The following TACC1 variants were observed in gnomAD, a reference collection of about 807,000 sequenced individuals.
The protein encoded by TACC1 is transforming acidic coiled-coil-containing protein 1.
Under a neutral mutation model 84.4 loss-of-function variants are expected in TACC1, and 48 were observed. The ratio of observed to expected loss-of-function variants is 0.57; its 90% CI spans 0.45 to 0.72. TACC1 has a LOEUF of 0.72. Ranked by LOEUF, TACC1 falls within the 30% of genes least tolerant of loss-of-function variation. The pLI is 0.00. For synonymous variants in TACC1, 372 were observed against 376.3 expected (o/e 0.99, Z 0.13); for missense variants, 920 against 973.0 (o/e 0.95, Z 0.72).
chr8:38,746,659 T>G (rs1220280453), intron 3 of TACC1, among the ~76,000 whole-genome samples: 1 of 152,222 alleles, frequency 6.6e-6, no homozygotes, highest in Non-Finnish European at 1.5e-5. Flanking sequence ...TCCACTTGGC[T>G]GTTAACTCCA....
At chr8:38,836,812 A>G (rs1241904436) in intron 7 of TACC1, among the ~76,000 whole-genome samples, 1 of 152,162 alleles carries the variant, frequency 6.6e-6, no homozygotes, top group Non-Finnish European at 1.5e-5. Context: ...TGTACCATTA[A>G]TAAGTTGCCC....
At chr8:38,823,893 A>G in intron 3 of TACC1, 1 of 871,888 alleles carries the variant, frequency 1.1e-6, no homozygotes, top group Non-Finnish European at 1.7e-6. Context: ...TGCAGCTTTT[A>G]CATCTGCCAG....
intron 3 of TACC1, among the ~76,000 whole-genome samples, chr8:38,758,302 T>C (rs923001984): frequency 1.3e-5 from 2 of 152,176 alleles, no homozygotes; most frequent in Admixed American, 6.5e-5. Flanking sequence ...AAAATAGCTT[T>C]CGGAATATCC....
intron 2 of TACC1, among the ~76,000 whole-genome samples, chr8:38,743,006 C>T (rs1807376857): frequency 6.6e-6 from 1 of 152,252 alleles, no homozygotes; most frequent in African/African-American, 2.4e-5. Context: ...TGAGCCACTG[C>T]ACCCAGCCAA....
intron 3 of TACC1, among the ~76,000 whole-genome samples, chr8:38,768,895 G>C (rs1271799710): frequency 6.8e-6 from 1 of 147,562 alleles, no homozygotes; most frequent in East Asian, 2.1e-4. Flanking sequence ...GTCGGGGGAG[G>C]TGTGTGTGTG....
At position 38,825,329 on chromosome 8, in the gene TACC1, G is replaced by T; in HGVS notation, c.1413G>T (p.Lys471Asn). 6.2e-7 allele frequency: 1 copy of T among 1,614,138 alleles called. No individual in the cohort carries two copies. Residue 471 changes from lysine to asparagine, a missense_variant, in exon 4 of 13, where the codon AAG becomes AAT. This residue lies in a region of TACC1 where 762 missense variants were observed against 747.3 expected (regional missense o/e 1.02). Transcript: ENST00000317827. ...CCAGGAGTGGCTGTAAGGTGAAGAA[G>T]CATGAAACTCAGTCTCTCGCCCTGG... is the stretch of plus-strand genomic sequence containing the variant. ...RLITSGCKVKKHETQSLALDA... is the reference protein window; with the variant it reads ...RLITSGCKVKNHETQSLALDA...
intron 11 of TACC1, 71 bp from the exon 12 acceptor site, chr8:38,846,628 C>T (rs1349612489): frequency 1.3e-6 from 2 of 1,583,080 alleles, no homozygotes; most frequent in East Asian, 4.5e-5. Context: ...TGGTTAGTAT[C>T]CTGACTGGCT....
In TACC1 at chr8:38,752,817, G is replaced by C. The variant is rs534350510; in HGVS notation, c.26+7324G>C. On this transcript the variant is annotated intron_variant, in intron 3 of 14. Coordinates refer to the TACC1 transcript ENST00000518415. ...TGTTCTGTATCAAATGCAATACCAA[G>C]TAGTGTCCAACTATGATCCTCCTGC... Among the ~76,000 whole-genome samples, 74 of 152,182 alleles carry C rather than the reference G, an allele frequency of 4.9e-4. No homozygotes were observed. In the South Asian group the frequency reaches 6.2e-3, roughly 13 times the overall value.
chr8:38,796,175 C>T (rs1563555588), intron 2 of TACC1, among the ~76,000 whole-genome samples: 1 of 152,140 alleles, frequency 6.6e-6, no homozygotes, highest in African/African-American at 2.4e-5. Flanking sequence ...CATGATTCTG[C>T]GAGATAGGAC....
chr8:38,847,465 G>T (rs979087594), intron 12 of TACC1, among the ~76,000 whole-genome samples: 1 of 152,202 alleles, frequency 6.6e-6, no homozygotes, highest in Non-Finnish European at 1.5e-5. Flanking sequence ...GTTTTTATAT[G>T]TCTCCGGTGT....
At chr8:38,729,901 T>C (rs1048022437) in intron 1 of TACC1, among the ~76,000 whole-genome samples, 1 of 152,098 alleles carries the variant, frequency 6.6e-6, no homozygotes, top group Admixed American at 6.6e-5. Flanking sequence ...AAACATCTTA[T>C]GATCTAAGGA....
At chr8:38,822,260 A>AC (rs1827036350) in intron 3 of TACC1, among the ~76,000 whole-genome samples, 1 of 151,508 alleles carries the variant, frequency 6.6e-6, no homozygotes, top group South Asian at 2.1e-4. Flanking sequence ...AAAAAAAAAA[A>AC]AAAAAACTAC....
chr8:38,749,429 C>T (rs1808628686), intron 3 of TACC1, among the ~76,000 whole-genome samples: 1 of 152,176 alleles, frequency 6.6e-6, no homozygotes, highest in African/African-American at 2.4e-5. Context: ...TCTAATTCTA[C>T]AGCCAGATGA....
At position 38,787,582 on chromosome 8, in the gene TACC1, C is replaced by T. The variant is rs1162108605; in HGVS notation, c.-1C>T. 3.2e-6 allele frequency: 5 copies of T among 1,539,980 alleles called. No homozygotes were observed. The highest frequency in any genetic ancestry group is 4.4e-6 in the Non-Finnish European group (5 of 1,142,078). ...GAGCTGGAGCCGGAGGAGCCGCGCTCATGGCGTTCAGCCCGTGGCAGATCC... is the reference window on the plus strand; with the variant it reads ...GAGCTGGAGCCGGAGGAGCCGCGCTTATGGCGTTCAGCCCGTGGCAGATCC... On this transcript the variant is annotated 5_prime_UTR_variant, in exon 1 of 13. Transcript: ENST00000317827.
At chr8:38,764,178 A>T (rs966582844) in intron 3 of TACC1, among the ~76,000 whole-genome samples, 4 of 152,110 alleles carry the variant, frequency 2.6e-5, no homozygotes, top group African/African-American at 9.7e-5. Flanking sequence ...TCCTGGTTCA[A>T]GCAATTCTCC....
chr8:38,790,073 T>C (rs1736330289), intron 2 of TACC1, among the ~76,000 whole-genome samples: 1 of 152,240 alleles, frequency 6.6e-6, no homozygotes, highest in Admixed American at 6.5e-5. Context: ...AGTCAAGGTG[T>C]TGGCAGGGCC....
intron 3 of TACC1, among the ~76,000 whole-genome samples, chr8:38,820,949 T>G (rs1826650921): frequency 6.6e-6 from 1 of 152,140 alleles, no homozygotes; most frequent in South Asian, 2.1e-4. Flanking sequence ...CTCACACCTG[T>G]AATCCCAGCA....
intron 5 of TACC1, 175 bp downstream of exon 5, chr8:38,827,550 T>C: frequency 1.5e-6 from 1 of 647,390 alleles, no homozygotes; most frequent in Non-Finnish European, 2.7e-6. Flanking sequence ...AAGTGCTTAT[T>C]GAAGTACTAG....
intron 8 of TACC1, 165 bp from the exon 9 acceptor site, chr8:38,840,059 T>TAAAAAAAAAAA (rs11440274): frequency 1.1e-5 from 2 of 189,340 alleles, no homozygotes; most frequent in South Asian, 9.4e-5. Flanking sequence ...TTATATAATG[T>TAAAAAAAAAAA]AAAAAAAAAA....
Sources: allele counts gnomAD v4.1 joint callset (sites outside exome capture counted in the v4.1 genomes callset), GRCh38; gene constraint gnomAD v4.1.1; regional missense constraint gnomAD v4.1.1; transcripts MANE v1.5; gene names NCBI Gene and HGNC (gene_info 2026-07-23, HGNC 2026-07-21).